Variants in MED13 observed in about 807,000 individuals in gnomAD.
The protein encoded by MED13 is mediator of RNA polymerase II transcription subunit 13.
A neutral mutation model predicts 225.2 loss-of-function variants in MED13; 23 were observed. The ratio of observed to expected loss-of-function variants is 0.10; its 90% CI spans 0.07 to 0.14. MED13 has a LOEUF of 0.14. Ranked by LOEUF, MED13 falls within the 10% of genes least tolerant of loss-of-function variation. MED13 has a pLI of 1.00. For synonymous variants in MED13, 942 were observed against 889.2 expected, an observed-to-expected ratio of 1.06 and a Z score of -1.06; for missense variants, 2,197 against 2,594.5, an observed-to-expected ratio of 0.85 and a Z score of 3.33.
chr17:62,025,967 A>G (rs1258572790), intron 8 of MED13, among the ~76,000 whole-genome samples: 3 of 152,232 alleles, frequency 2.0e-5, no homozygotes, highest in Non-Finnish European at 4.4e-5. Context: ...AGCACACTTG[A>G]GAGAGTCTGT....
chr17:62,041,242 C>A (rs934670443), intron 3 of MED13, among the ~76,000 whole-genome samples: 2 of 152,074 alleles, frequency 1.3e-5, no homozygotes. Context: ...ATAAATGAAT[C>A]TTGAAGATTT....
chr17:62,033,415 A>G (rs899259743), intron 5 of MED13, among the ~76,000 whole-genome samples: 1 of 152,168 alleles, frequency 6.6e-6, no homozygotes, highest in African/African-American at 2.4e-5. Context: ...TCCCTGCCCC[A>G]ATGACTTTGG....
At position 61,943,835 on chromosome 17, in the gene MED13, G is replaced by A. The variant is rs2079832408; in HGVS notation, c.*2633C>T. 6.6e-6 allele frequency: 1 copy of A among 152,398 alleles called. No individual in the cohort carries two copies. 9.4% of individuals were successfully genotyped at this position (152,398 alleles called of 1,614,324 possible). ...AACTTCCACCCTGCTTAATAATCATGGATACCTGCACAAAAAAAAAGATGT... is the reference window on the plus strand; with the variant it reads ...AACTTCCACCCTGCTTAATAATCATAGATACCTGCACAAAAAAAAAGATGT... On this transcript the variant is annotated 3_prime_UTR_variant, in exon 30 of 30. Coordinates refer to ENST00000397786, the MANE Select transcript of MED13 (RefSeq NM_005121.3).
At chr17:61,975,969 T>C (rs539117487) in intron 16 of MED13, among the ~76,000 whole-genome samples, 4 of 152,014 alleles carry the variant, frequency 2.6e-5, no homozygotes, top group African/African-American at 4.8e-5. Context: ...TGAGCCAAGA[T>C]TGCGCCACTG....
At position 61,974,782 on chromosome 17, in the gene MED13, T is replaced by A. The variant is rs74901353; in HGVS notation, c.3806-1894A>T. ...TATACTATACACAAAAAATTCAGAA[T>A]GGATCAGAGATCTAAATATAAGAGC... On this transcript the variant is annotated intron_variant, in intron 16 of 29. Transcript: ENST00000397786. Among the ~76,000 whole-genome samples the A allele has an allele frequency of 9.4e-4, 143 of 152,234 alleles. No homozygotes were observed. The East Asian group carries it at 0.023, about 25-fold the overall frequency.
intron 4 of MED13, 48 bp downstream of exon 4, chr17:62,035,415 G>A: frequency 7.0e-7 from 1 of 1,431,458 alleles, no homozygotes; most frequent in African/African-American, 1.4e-5. Flanking sequence ...AGTCAAATAA[G>A]GATCTTTCAA....
chr17:62,059,679 G>A (rs916534339), intron 2 of MED13, among the ~76,000 whole-genome samples: 15 of 152,176 alleles, frequency 9.9e-5, no homozygotes, highest in African/African-American at 2.4e-5. Flanking sequence ...TGAAAAAGGG[G>A]TTAGCTAGAG....
At chr17:61,993,636 C>G (rs1224995351) in intron 10 of MED13, among the ~76,000 whole-genome samples, 1 of 151,806 alleles carries the variant, frequency 6.6e-6, no homozygotes, top group Non-Finnish European at 1.5e-5. Context: ...TTGTATTAAA[C>G]ATATTATTGG....
intron 16 of MED13, among the ~76,000 whole-genome samples, chr17:61,976,129 T>C (rs1470240641): frequency 1.3e-5 from 2 of 152,252 alleles, no homozygotes; most frequent in Non-Finnish European, 2.9e-5. Flanking sequence ...ATGGGAGCTT[T>C]ATTCATAATA....
chr17:62,011,870 C>A (rs1474128004), intron 8 of MED13, among the ~76,000 whole-genome samples: 1 of 152,138 alleles, frequency 6.6e-6, no homozygotes, highest in Non-Finnish European at 1.5e-5. Context: ...TGAAGCAATT[C>A]TAAAACGAAG....
At chr17:62,006,173 T>A (rs537168973) in intron 9 of MED13, 6 of 150,284 alleles carry the variant, frequency 4.0e-5, no homozygotes, top group African/African-American at 1.5e-4. Context: ...AGAGTCTAAC[T>A]GCCTGGAAAA....
At chr17:61,950,790 GAATT>G (rs1567937034) in intron 28 of MED13, 31 bp downstream of exon 28, 1 of 1,582,986 alleles carries the variant, frequency 6.3e-7, no homozygotes, top group South Asian at 1.2e-5. Flanking sequence ...CTGTCAATCA[GAATT>G]ATTTAGGAAC....
At chr17:61,956,299 T>C in intron 24 of MED13, 40 bp downstream of exon 24, 1 of 1,579,122 alleles carries the variant, frequency 6.3e-7, no homozygotes, top group Non-Finnish European at 8.6e-7. Context: ...TGAATTTACA[T>C]AAAACGGAAA....
Position 62,042,433 on chromosome 17 carries a change from A to C in MED13, c.471-6825T>G, listed in dbSNP as rs186396237. ...AAAAATTAGCTGGGCATGGTGGCAC[A>C]CGCCTGTAGTCCCAGCTACTCGGGA... On this transcript the variant is annotated intron_variant, in intron 3 of 29. Transcript: ENST00000397786. Among the ~76,000 whole-genome samples, 521 of 151,952 alleles carry C rather than the reference A, an allele frequency of 3.4e-3. 2 individuals carry two copies. The highest frequency in any genetic ancestry group is 0.011 in the African/African-American group (469 of 41,452).
intron 9 of MED13, chr17:62,006,490 A>G (rs1220114547): frequency 6.6e-6 from 1 of 152,190 alleles, no homozygotes; most frequent in Non-Finnish European, 1.5e-5. Context: ...TTCCCCATCC[A>G]GTTATCATAA....
chr17:61,992,270 T>A (rs988728552), intron 11 of MED13, among the ~76,000 whole-genome samples: 3 of 152,190 alleles, frequency 2.0e-5, no homozygotes, highest in African/African-American at 7.2e-5. Flanking sequence ...GGGTGAGAAA[T>A]CTATTACATA....
At chr17:62,017,297 A>G (rs1448568841) in intron 8 of MED13, among the ~76,000 whole-genome samples, 3 of 151,704 alleles carry the variant, frequency 2.0e-5, no homozygotes, top group Admixed American at 2.0e-4. Context: ...ATTCCATAAA[A>G]AGAGCGTAGA....
At chr17:61,984,974 CTCGA>C in intron 13 of MED13, 22 bp downstream of exon 13, 1 of 1,610,044 alleles carries the variant, frequency 6.2e-7, no homozygotes. Flanking sequence ...GCAAATTTAT[CTCGA>C]GCACAGATGA....
chr17:61,947,023 A>T lies in MED13; in HGVS notation c.6292-6T>A. ...ACGTGGAGGTGCAAAGAGGCCTAAG[A>T]AGGTAACAGGTAATCAATCAGTCAG... On this transcript the variant is annotated splice_region_variant and splice_polypyrimidine_tract_variant and intron_variant, in intron 28 of 29. Transcript: ENST00000397786. 1 of 1,609,000 alleles carries T rather than the reference A, an allele frequency of 6.2e-7. No individual in the cohort carries two copies. The highest frequency in any genetic ancestry group is 8.5e-7 in the Non-Finnish European group (1 of 1,175,496).
Sources: gnomAD v4.1 joint callset for allele counts (sites outside exome capture counted in the v4.1 genomes callset) on GRCh38, gnomAD v4.1.1 for gene constraint, MANE v1.5 for transcripts, NCBI Gene and HGNC (gene_info 2026-07-23, HGNC 2026-07-21) for gene names.